The following ADAMTSL1 variants were observed in gnomAD, a reference collection of about 807,000 sequenced individuals.
The protein encoded by ADAMTSL1 is ADAMTS-like protein 1.
ADAMTSL1 carries 126 observed loss-of-function variants against 201.8 expected under a neutral mutation model. The ratio of observed to expected loss-of-function variants is 0.62; its 90% CI spans 0.54 to 0.72. The LOEUF (loss-of-function observed/expected upper bound fraction) is 0.72, where lower values mean the gene tolerates loss of function less well. ADAMTSL1 is among the 30% of genes least tolerant of loss of function. The pLI is 0.00. For missense variants in ADAMTSL1, 2,679 were observed against 2,277.8 expected (o/e 1.18, Z -3.59); for synonymous variants, 1,121 against 903.4 (o/e 1.24, Z -4.32).
chr9:18,709,409 T>C (rs1025697886), intron 14 of ADAMTSL1, among the ~76,000 whole-genome samples: 3 of 152,210 alleles, frequency 2.0e-5, no homozygotes, highest in African/African-American at 7.2e-5. Context: ...AAATAGATTT[T>C]AAATCAATTT....
chr9:18,000,698 T>A (rs533387535), intron 1 of ADAMTSL1, among the ~76,000 whole-genome samples: 1 of 152,208 alleles, frequency 6.6e-6, no homozygotes, highest in Non-Finnish European at 1.5e-5. Flanking sequence ...TTGAAACAGA[T>A]TTTGGTTATC....
chr9:17,968,046 G>C (rs909185767), intron 1 of ADAMTSL1, among the ~76,000 whole-genome samples: 1 of 152,086 alleles, frequency 6.6e-6, no homozygotes, highest in Admixed American at 6.6e-5. Flanking sequence ...TGGGTGAACA[G>C]GCATTTGTCT....
At chr9:18,280,689 T>C (rs1046036473) in intron 2 of ADAMTSL1, among the ~76,000 whole-genome samples, 1 of 152,208 alleles carries the variant, frequency 6.6e-6, no homozygotes, top group Non-Finnish European at 1.5e-5. Flanking sequence ...TTTTAAAATT[T>C]CCTTGTAAAA....
At position 18,727,134 on chromosome 9, in the gene ADAMTSL1, T is replaced by C. The variant is rs146116420; in HGVS notation, c.2006+5469T>C. Among the ~76,000 whole-genome samples the C allele has an allele frequency of 9.2e-5, 14 of 152,370 alleles. No individual in the cohort carries two copies. In the East Asian group the frequency reaches 2.3e-3, roughly 25 times the overall value. On this transcript the variant is annotated intron_variant, in intron 15 of 28. Coordinates refer to ENST00000380548, the MANE Select transcript of ADAMTSL1 (RefSeq NM_001040272.6). ...ATTTCCAATTTTCTTTTATATTAGC[T>C]TACAATGGCTAGAGCAGAAGGTGCT...
intron 2 of ADAMTSL1, among the ~76,000 whole-genome samples, chr9:18,179,792 G>A (rs1386216719): frequency 1.3e-5 from 2 of 152,022 alleles, no homozygotes; most frequent in East Asian, 3.9e-4. Flanking sequence ...ATAAGTGAAG[G>A]AGAAATAAAA....
chr9:17,962,380 G>C (rs1409015989), intron 1 of ADAMTSL1, among the ~76,000 whole-genome samples: 2 of 152,152 alleles, frequency 1.3e-5, no homozygotes, highest in Non-Finnish European at 2.9e-5. Flanking sequence ...CTCCGGTTTT[G>C]TGCACAGTAT....
chr9:18,136,267 T>C (rs1180264835), intron 1 of ADAMTSL1, among the ~76,000 whole-genome samples: 1 of 152,164 alleles, frequency 6.6e-6, no homozygotes, highest in Admixed American at 6.6e-5. Flanking sequence ...GAGGTGTGCA[T>C]TGGGATTCAT....
intron 23 of ADAMTSL1, among the ~76,000 whole-genome samples, chr9:18,855,171 T>C (rs1021439817): frequency 2.6e-5 from 4 of 152,188 alleles, no homozygotes; most frequent in African/African-American, 9.6e-5. Flanking sequence ...GGAAAACAAC[T>C]TCCCTTTGCT....
chr9:18,602,504 G>A (rs918398553), intron 4 of ADAMTSL1, among the ~76,000 whole-genome samples: 1 of 152,226 alleles, frequency 6.6e-6, no homozygotes, highest in South Asian at 2.1e-4. Context: ...TCAAGCCCCA[G>A]ACTGGGCTTC....
At chr9:18,883,633 C>A (rs1828681000) in intron 23 of ADAMTSL1, among the ~76,000 whole-genome samples, 1 of 152,196 alleles carries the variant, frequency 6.6e-6, no homozygotes, top group African/African-American at 2.4e-5. Flanking sequence ...ATGAATTTGG[C>A]TGCTCCAGGT....
At chr9:18,196,942 C>T (rs988079684) in intron 2 of ADAMTSL1, among the ~76,000 whole-genome samples, 3 of 152,078 alleles carry the variant, frequency 2.0e-5, no homozygotes, top group African/African-American at 7.2e-5. Context: ...CTAGAGTAGG[C>T]CCCTATAGCT....
In ADAMTSL1 at chr9:18,794,626, G is replaced by GTT. The variant is rs61153622; in HGVS notation, c.3678-763_3678-762dup. 3.9e-3 allele frequency among the ~76,000 whole-genome samples: 531 copies of GTT among 135,684 alleles called. 3 individuals carry two copies. The highest frequency in any genetic ancestry group is 0.013 in the African/African-American group (488 of 37,654). The allele number at this position is 135,684 out of a possible 152,430, so 89.0% of individuals were successfully genotyped here. ...GATGTCTGTCTGGTTGTTTTTTGTT[G>GTT]TTTTTTTTTGTTGTTGTTGTTTTTT... On this transcript the variant is annotated intron_variant, in intron 19 of 28. Coordinates refer to ENST00000380548, the MANE Select transcript of ADAMTSL1 (RefSeq NM_001040272.6).
intron 1 of ADAMTSL1, among the ~76,000 whole-genome samples, chr9:18,477,619 C>T (rs1227394363): frequency 6.6e-6 from 1 of 152,204 alleles, no homozygotes; most frequent in Non-Finnish European, 1.5e-5. Context: ...TAATTGTTCA[C>T]TCTACACAGA....
At chr9:18,628,340 A>G (rs893960068) in intron 5 of ADAMTSL1, among the ~76,000 whole-genome samples, 42 of 152,184 alleles carry the variant, frequency 2.8e-4, no homozygotes, top group African/African-American at 9.9e-4. Flanking sequence ...TTGTTGAAAA[A>G]GACAGCCTTT....
chr9:18,366,411 C>T (rs1184710390), intron 2 of ADAMTSL1, among the ~76,000 whole-genome samples: 3 of 151,868 alleles, frequency 2.0e-5, no homozygotes, highest in African/African-American at 4.8e-5. Flanking sequence ...TCATTTGTCC[C>T]ATATACTATA....
At chr9:18,564,911 C>G (rs1426479488) in intron 3 of ADAMTSL1, among the ~76,000 whole-genome samples, 1 of 152,124 alleles carries the variant, frequency 6.6e-6, no homozygotes, top group Non-Finnish European at 1.5e-5. Flanking sequence ...CAAACTACAA[C>G]CAGTCTTAGA....
At chr9:18,065,815 T>C (rs1822668401) in intron 1 of ADAMTSL1, among the ~76,000 whole-genome samples, 1 of 151,860 alleles carries the variant, frequency 6.6e-6, no homozygotes, top group African/African-American at 2.4e-5. Context: ...ACCCTGTCTC[T>C]ATTAAAAATA....
intron 1 of ADAMTSL1, among the ~76,000 whole-genome samples, chr9:17,995,020 G>C (rs989539133): frequency 3.9e-5 from 6 of 152,146 alleles, no homozygotes; most frequent in Non-Finnish European, 8.8e-5. Flanking sequence ...TTCTCCACAA[G>C]AGATTCTTTC....
intron 1 of ADAMTSL1, among the ~76,000 whole-genome samples, chr9:17,991,080 C>A (rs1819132206): frequency 6.6e-6 from 1 of 152,110 alleles, no homozygotes; most frequent in African/African-American, 2.4e-5. Flanking sequence ...ATAATTGAGG[C>A]AGAGGATGTA....
Sources: allele counts gnomAD v4.1 joint callset (sites outside exome capture counted in the v4.1 genomes callset), GRCh38; gene constraint gnomAD v4.1.1; transcripts MANE v1.5; gene names NCBI Gene and HGNC (gene_info 2026-07-23, HGNC 2026-07-21).